The following ASB5 variants were observed in gnomAD, a reference collection of about 807,000 sequenced individuals.
ASB5 encodes the protein ankyrin repeat and SOCS box containing 5, also known as ankyrin repeat and SOCS box protein 5.
In ASB5, 45 loss-of-function variants were observed where a neutral mutation model predicts 42.1. That is an observed-to-expected ratio of 1.07 (90% CI 0.84 to 1.37). The LOEUF is 1.37. ASB5 is among the 40% of genes most tolerant of loss of function. The pLI, the probability that ASB5 is intolerant of heterozygous loss-of-function variation, is 0.00. For missense variants in ASB5, 402 were observed against 399.8 expected, an observed-to-expected ratio of 1.01 and a Z score of -0.05; for synonymous variants, 147 against 150.6, an observed-to-expected ratio of 0.98 and a Z score of 0.18.
In ASB5 at chr4:176,225,329, T is replaced by A. The variant is rs1316720123; in HGVS notation, c.209A>T (p.Asp70Val). Residue 70 changes from aspartate to valine, a missense_variant, in exon 2 of 7, where the codon GAT (aspartate) becomes GTT (valine). Transcript: ENST00000296525. ...GVTQGQGSWA[D>V]RSPLHEAASQ... is the part of the protein sequence containing the mutation. ...TGCTGCTTCATGTAGTGGTGATCGA[T>A]CTGCCCAGGAACCTGTCAAAAAAGA... is the stretch of plus-strand genomic sequence containing the variant. 1.2e-6 allele frequency: 2 copies of A among 1,613,990 alleles called. No homozygotes were observed. The highest frequency in any genetic ancestry group is 1.7e-5 in the Admixed American group (1 of 60,004).
At chr4:176,242,629 TC>T (rs1753832753) in intron 1 of ASB5, among the ~76,000 whole-genome samples, 1 of 152,190 alleles carries the variant, frequency 6.6e-6, no homozygotes, top group Non-Finnish European at 1.5e-5. Flanking sequence ...TATTTGCACC[TC>T]TGTAACAACG....
chr4:176,229,358 G>T (rs1753463960), intron 1 of ASB5, among the ~76,000 whole-genome samples: 1 of 152,166 alleles, frequency 6.6e-6, no homozygotes, highest in Admixed American at 6.5e-5. Context: ...CCTTTAAGGG[G>T]AAGTAAAGCT....
chr4:176,242,154 C>G lies in ASB5; in HGVS notation c.197-16813G>C, dbSNP rs181833556. On this transcript the variant is annotated intron_variant, in intron 1 of 6. Coordinates refer to ENST00000296525, the MANE Select transcript of ASB5 (RefSeq NM_080874.4). ...TCCTCACACTGCCATCCAACTCTTA[C>G]ATTATCTTTTCTTCCAATCTCACTT... 1.5e-3 allele frequency among the ~76,000 whole-genome samples: 231 copies of G among 152,142 alleles called. 1 individual carries two copies. The highest frequency in any genetic ancestry group is 3.3e-3 in the South Asian group (16 of 4,826).
chr4:176,250,717 T>C (rs1476803744), intron 1 of ASB5, among the ~76,000 whole-genome samples: 1 of 152,240 alleles, frequency 6.6e-6, no homozygotes, highest in African/African-American at 2.4e-5. Flanking sequence ...ACTAGATTGC[T>C]AGTTAACGCC....
At chr4:176,269,226 G>C, upstream of ASB5, 1 of 790,504 alleles carries the variant, frequency 1.3e-6, no homozygotes, top group Non-Finnish European at 1.9e-6. Context: ...AGCTGGTAGT[G>C]ATGCCTACAG....
chr4:176,236,981 T>C (rs1166494028), intron 1 of ASB5, among the ~76,000 whole-genome samples: 1 of 152,178 alleles, frequency 6.6e-6, no homozygotes, highest in Non-Finnish European at 1.5e-5. Flanking sequence ...CTGTAAACAG[T>C]CTTTTCCTGC....
intron 1 of ASB5, among the ~76,000 whole-genome samples, chr4:176,247,483 G>C (rs1303964416): frequency 6.6e-6 from 1 of 152,150 alleles, no homozygotes. Context: ...TAGGTCCAGA[G>C]CAATGTAATT....
chr4:176,231,803 A>C (rs1381612497), intron 1 of ASB5, among the ~76,000 whole-genome samples: 1 of 151,922 alleles, frequency 6.6e-6, no homozygotes, highest in Non-Finnish European at 1.5e-5. Context: ...TGTGTTCCCA[A>C]TACTGCACTC....
At chr4:176,235,028 A>C (rs1202229603) in intron 1 of ASB5, among the ~76,000 whole-genome samples, 2 of 152,206 alleles carry the variant, frequency 1.3e-5, no homozygotes, top group African/African-American at 4.8e-5. Context: ...GTTCTTTTGA[A>C]TGTCCAGTTG....
intron 1 of ASB5, among the ~76,000 whole-genome samples, chr4:176,249,060 G>T (rs1056890612): frequency 2.6e-5 from 4 of 152,138 alleles, no homozygotes; most frequent in African/African-American, 9.7e-5. Flanking sequence ...TCTGCTTCCC[G>T]GGTCCCAACG....
intron 1 of ASB5, among the ~76,000 whole-genome samples, chr4:176,231,295 T>C (rs1385602992): frequency 2.0e-5 from 3 of 152,092 alleles, no homozygotes; most frequent in Admixed American, 6.5e-5. Flanking sequence ...TCGGCCATTT[T>C]AAGGAGCTCC....
At chr4:176,219,689 C>T (rs1211872229) in intron 5 of ASB5, among the ~76,000 whole-genome samples, 5 of 145,932 alleles carry the variant, frequency 3.4e-5, no homozygotes, top group Admixed American at 7.2e-5. Flanking sequence ...GCCTCAGCCT[C>T]TCGAGCAGCT....
chr4:176,245,101 G>A (rs1428342554), intron 1 of ASB5, among the ~76,000 whole-genome samples: 8 of 152,142 alleles, frequency 5.3e-5, no homozygotes, highest in African/African-American at 7.2e-5. Context: ...GATGAGATAC[G>A]TTATGAAGCT....
intron 2 of ASB5, 30 bp from the exon 3 acceptor site, chr4:176,222,450 CAA>C (rs1362799339): frequency 1.3e-6 from 2 of 1,551,106 alleles, no homozygotes; most frequent in Admixed American, 1.7e-5. Context: ...GAAAGGTGAG[CAA>C]AGAGTTATAT....
At chr4:176,224,620 G>GC (rs1753323699) in intron 2 of ASB5, among the ~76,000 whole-genome samples, 1 of 151,848 alleles carries the variant, frequency 6.6e-6, no homozygotes, top group Non-Finnish European at 1.5e-5. Flanking sequence ...TGATCCACCT[G>GC]CCTCCGCCTC....
chr4:176,244,353 G>T (rs988561983), intron 1 of ASB5, among the ~76,000 whole-genome samples: 1 of 152,112 alleles, frequency 6.6e-6, no homozygotes. Flanking sequence ...GATGTACAGG[G>T]CATACCACAT....
At chr4:176,277,419 C>G (rs929445574) in exon 1 of ASB5, 4 of 152,058 alleles carry the variant, frequency 2.6e-5, no homozygotes, top group Admixed American at 2.0e-4. Context: ...CTGACACAGT[C>G]GGGACTTGCA....
At chr4:176,262,583 T>C (rs895158291) in intron 1 of ASB5, among the ~76,000 whole-genome samples, 1 of 152,224 alleles carries the variant, frequency 6.6e-6, no homozygotes, top group Admixed American at 6.5e-5. Context: ...CACCTTCCCA[T>C]AGCACCTTCT....
At chr4:176,268,633 T>A (rs1754406638) in intron 1 of ASB5, among the ~76,000 whole-genome samples, 1 of 152,160 alleles carries the variant, frequency 6.6e-6, no homozygotes, top group African/African-American at 2.4e-5. Context: ...TGTTTCTTAA[T>A]AGGAATAGAT....
Sources: gnomAD v4.1 joint callset for allele counts (sites outside exome capture counted in the v4.1 genomes callset) on GRCh38, gnomAD v4.1.1 for gene constraint, MANE v1.5 for transcripts, NCBI Gene and HGNC (gene_info 2026-07-23, HGNC 2026-07-21) for gene names.